Variants in SETBP1 observed in about 807,000 individuals in gnomAD.
SETBP1 encodes SET-binding protein.
Under a neutral mutation model 101.0 loss-of-function variants are expected in SETBP1, and 9 were observed. The ratio of observed to expected loss-of-function variants is 0.09; its 90% CI spans 0.05 to 0.16. The LOEUF (loss-of-function observed/expected upper bound fraction) is 0.16, where lower values mean the gene tolerates loss of function less well. Among genes scored for constraint, SETBP1 ranks in the 10% least tolerant of loss-of-function variants. SETBP1 has a pLI of 1.00. For missense variants in SETBP1, 1,858 were observed against 2,033.8 expected, an observed-to-expected ratio of 0.91 and a Z score of 1.66; for synonymous variants, 818 against 788.5, an observed-to-expected ratio of 1.04 and a Z score of -0.63.
intron 3 of SETBP1, among the ~76,000 whole-genome samples, chr18:44,911,255 A>G (rs1440283127): frequency 1.3e-5 from 2 of 152,182 alleles, no homozygotes; most frequent in Non-Finnish European, 2.9e-5. Context: ...TACTAGCTCC[A>G]TAAGTGGAAC....
intron 2 of SETBP1, among the ~76,000 whole-genome samples, chr18:44,702,258 G>A (rs752124010): frequency 6.6e-6 from 1 of 152,160 alleles, no homozygotes; most frequent in Non-Finnish European, 1.5e-5. Context: ...AGAAGAGGAA[G>A]GGTTGGTCTT....
intron 3 of SETBP1, among the ~76,000 whole-genome samples, chr18:44,948,942 AAC>A (rs1397678680): frequency 6.6e-6 from 1 of 152,164 alleles, no homozygotes; most frequent in East Asian, 1.9e-4. Flanking sequence ...ATGTAGGGGA[AAC>A]ACAGTTGACA....
chr18:44,994,960 A>C (rs1288246956), intron 4 of SETBP1, among the ~76,000 whole-genome samples: 6 of 152,108 alleles, frequency 3.9e-5, no homozygotes, highest in Non-Finnish European at 8.8e-5. Flanking sequence ...GATACTCCCA[A>C]GCCTTTTGCC....
At chr18:44,802,205 CA>C (rs1173903749) in intron 2 of SETBP1, among the ~76,000 whole-genome samples, 5 of 152,118 alleles carry the variant, frequency 3.3e-5, no homozygotes, top group Non-Finnish European at 5.9e-5. Flanking sequence ...GAAACAGAGA[CA>C]GTCATTCTTC....
At chr18:44,720,910 C>CAA (rs1479017578) in intron 2 of SETBP1, among the ~76,000 whole-genome samples, 1 of 131,236 alleles carries the variant, frequency 7.6e-6, no homozygotes, top group Non-Finnish European at 1.6e-5. Context: ...AACCCCCACC[C>CAA]CCCACCCCAA....
Position 44,951,196 on chromosome 18 carries a change from G to A in SETBP1, c.1856G>A (p.Gly619Asp), listed in dbSNP as rs753567155. ...PVSPISREFPGTKKRKRRRNL... is the reference protein window; with the variant it reads ...PVSPISREFPDTKKRKRRRNL... ...AGTCCCATCAGCCGAGAGTTTCCTG[G>A]CACTAAGAAAAGAAAGCGACGACGC... Residue 619 changes from glycine (G) to aspartate (D), a missense_variant, in exon 4 of 6, where the codon GGC becomes GAC. Transcript: ENST00000649279. This position sits in a 1 kb window ranked among gnomAD's most constrained non-coding sequence, Gnocchi z 7.8. 6.2e-7 allele frequency: 1 copy of A among 1,614,146 alleles called. No homozygotes were observed. Among genetic ancestry groups the A allele is most frequent in the Non-Finnish European group, 8.5e-7 (1 of 1,180,036 alleles).
intron 2 of SETBP1, among the ~76,000 whole-genome samples, chr18:44,785,158 T>C (rs2071213869): frequency 6.6e-6 from 1 of 152,238 alleles, no homozygotes; most frequent in Non-Finnish European, 1.5e-5. Flanking sequence ...ATACACATCA[T>C]GTACACACAA....
At chr18:44,843,914 G>C (rs146637392) in intron 2 of SETBP1, among the ~76,000 whole-genome samples, 8 of 152,280 alleles carry the variant, frequency 5.3e-5, no homozygotes, top group Non-Finnish European at 1.2e-4. Flanking sequence ...CAGACAGAGA[G>C]AGGATGTTAT....
At chr18:44,995,142 T>C (rs1352451614) in intron 4 of SETBP1, among the ~76,000 whole-genome samples, 2 of 141,284 alleles carry the variant, frequency 1.4e-5, no homozygotes, top group Non-Finnish European at 3.1e-5. Flanking sequence ...TTACTTTTTT[T>C]TTTTTTTTTT....
At chr18:44,882,763 G>C (rs1337382371) in intron 3 of SETBP1, among the ~76,000 whole-genome samples, 2 of 152,090 alleles carry the variant, frequency 1.3e-5, no homozygotes, top group Admixed American at 1.3e-4. Context: ...GATTAGCATG[G>C]CAGGGCTCAT....
At position 44,950,090 on chromosome 18, in the gene SETBP1, G is replaced by A; in HGVS notation, c.750G>A (p.Lys250=). The A allele has an allele frequency of 1.9e-6, 3 of 1,614,192 alleles. No homozygotes were observed. Among genetic ancestry groups the A allele is most frequent in the Non-Finnish European group, 2.5e-6 (3 of 1,180,054 alleles). Residue 250 remains lysine (K), a synonymous_variant, in exon 4 of 6, where the codon AAG becomes AAA. Transcript: ENST00000649279. ...GCAGAGAAACTGCAAGCACCAGCAA[G>A]ATCCCCGCTCTTGAGCCCGTGGCTT... ...ESGRETASTS[K]IPALEPVASF...
chr18:44,777,965 T>C (rs1277295470), intron 2 of SETBP1, among the ~76,000 whole-genome samples: 2 of 152,198 alleles, frequency 1.3e-5, no homozygotes, highest in African/African-American at 4.8e-5. Flanking sequence ...TTACAATCTC[T>C]AAGCAAATTT....
At chr18:44,714,679 A>G (rs2069424102) in intron 2 of SETBP1, among the ~76,000 whole-genome samples, 1 of 151,858 alleles carries the variant, frequency 6.6e-6, no homozygotes, top group Non-Finnish European at 1.5e-5. Context: ...GAGCTGAAGC[A>G]TCTTAATTCT....
chr18:45,054,119 C>G (rs1231992530), intron 5 of SETBP1, among the ~76,000 whole-genome samples: 1 of 152,134 alleles, frequency 6.6e-6, no homozygotes, highest in Admixed American at 6.6e-5. Flanking sequence ...CGGCTAAATG[C>G]CCTCGTATTT....
chr18:44,979,702 A>C (rs1386187618), intron 4 of SETBP1, among the ~76,000 whole-genome samples: 3 of 152,234 alleles, frequency 2.0e-5, no homozygotes, highest in Non-Finnish European at 4.4e-5. Flanking sequence ...TATAAAAATC[A>C]CAAATAACTC....
In SETBP1 at chr18:45,066,196, C is replaced by T. The variant is rs1457600323; in HGVS notation, c.*2498C>T. 3 of 152,182 alleles carry T rather than the reference C, an allele frequency of 2.0e-5. No individual in the cohort carries two copies. The highest frequency in any genetic ancestry group is 7.2e-5 in the African/African-American group (3 of 41,422). 9.4% of individuals were successfully genotyped at this position (152,182 alleles called of 1,614,324 possible). A position where few individuals can be genotyped will look rare whatever the true frequency, so the allele number is the denominator to read the frequency against. The stretch of plus-strand genomic sequence containing the variant: ...AAAGCTTTGGGGTACATTAGAATTT[C>T]CAAAGCTCTGAAAGATATTTCAGGA... On this transcript the variant is annotated 3_prime_UTR_variant, in exon 6 of 6. Transcript: ENST00000649279.
rs535598587 is a variant in SETBP1 at position 44,850,713 on chromosome 18, A to C, written c.487-18517A>C. Among the ~76,000 whole-genome samples, 3 of 151,432 alleles carry C rather than the reference A, an allele frequency of 2.0e-5. No individual in the cohort carries two copies. In the East Asian group the frequency reaches 5.8e-4, roughly 29 times the overall value. On this transcript the variant is annotated intron_variant, in intron 2 of 5. Coordinates refer to ENST00000649279, the MANE Select transcript of SETBP1 (RefSeq NM_015559.3). ...TCAGGAATAGGTGGAAAATCCCCCAACTCCTTTGCTCTGAAAAACCTTTGT... is the reference window on the plus strand; with the variant it reads ...TCAGGAATAGGTGGAAAATCCCCCACCTCCTTTGCTCTGAAAAACCTTTGT...
In SETBP1 at chr18:44,918,213, T is replaced by G. The variant is rs536812866; in HGVS notation, c.541-31668T>G. Among the ~76,000 whole-genome samples, 3 of 152,194 alleles carry G rather than the reference T, an allele frequency of 2.0e-5. No individual in the cohort carries two copies. The South Asian group carries it at 6.2e-4, about 31-fold the overall frequency. On this transcript the variant is annotated intron_variant, in intron 3 of 5. Coordinates refer to ENST00000649279, the MANE Select transcript of SETBP1 (RefSeq NM_015559.3). ...ACAGCCTGTTCCTCTGCATTATCTG[T>G]GTTTACTTTTGGATCTGGTCACAAT...
intron 2 of SETBP1, among the ~76,000 whole-genome samples, chr18:44,825,517 C>G (rs1307212974): frequency 6.6e-6 from 1 of 152,068 alleles, no homozygotes; most frequent in Non-Finnish European, 1.5e-5. Flanking sequence ...TTAAAAAAGA[C>G]AAAGGCTTTC....
Sources: allele counts gnomAD v4.1 joint callset (sites outside exome capture counted in the v4.1 genomes callset), GRCh38; gene constraint gnomAD v4.1.1; non-coding constraint Gnocchi (gnomAD v3.1); transcripts MANE v1.5; gene names NCBI Gene and HGNC (gene_info 2026-07-23, HGNC 2026-07-21).